Variants in ARID1B observed in about 807,000 individuals in gnomAD.
ARID1B encodes AT-rich interaction domain 1B, also known as AT-rich interactive domain-containing protein 1B.
A neutral mutation model predicts 212.3 loss-of-function variants in ARID1B; 30 were observed. The observed-to-expected ratio is 0.14, with a 90% confidence interval of 0.11 to 0.19. ARID1B has a LOEUF of 0.19. Ranked by LOEUF, ARID1B falls within the 10% of genes least tolerant of loss-of-function variation. ARID1B has a pLI of 1.00. For missense variants in ARID1B, 2,891 were observed against 3,204.0 expected (o/e 0.90, Z 2.36); for synonymous variants, 1,402 against 1,301.7 (o/e 1.08, Z -1.66).
chr6:156,934,349 T>C (rs1334800531), intron 3 of ARID1B, among the ~76,000 whole-genome samples: 2 of 152,146 alleles, frequency 1.3e-5, no homozygotes, highest in African/African-American at 4.8e-5. Flanking sequence ...AAATGTGGTG[T>C]GGTGTGGTAT....
At chr6:156,812,931 T>TGG (rs1274375173) in intron 1 of ARID1B, among the ~76,000 whole-genome samples, 161 of 75,124 alleles carry the variant, frequency 2.1e-3, no homozygotes, top group African/African-American at 6.1e-3. Context: ...ATTATAATCC[T>TGG]GGGTGTGTGT....
chr6:156,956,089 A>T (rs1046952539), intron 4 of ARID1B, among the ~76,000 whole-genome samples: 1 of 152,172 alleles, frequency 6.6e-6, no homozygotes, highest in African/African-American at 2.4e-5. Flanking sequence ...TGGGGAAGAC[A>T]TGCACCAGTG....
intron 8 of ARID1B, among the ~76,000 whole-genome samples, chr6:157,161,051 A>G (rs1026683078): frequency 3.3e-5 from 5 of 152,170 alleles, no homozygotes; most frequent in Non-Finnish European, 7.3e-5. Context: ...ACTTATCTTA[A>G]AATACTCATC....
chr6:157,116,951 G>A (rs536909969), intron 6 of ARID1B, among the ~76,000 whole-genome samples: 2 of 152,272 alleles, frequency 1.3e-5, no homozygotes, highest in East Asian at 3.9e-4. Flanking sequence ...GTTCTATAGA[G>A]AAAATAGATA....
At position 157,174,019 on chromosome 6, in the gene ARID1B, C is replaced by G; in HGVS notation, c.3247C>G (p.Leu1083Val). The G allele has an allele frequency of 6.2e-7, 1 of 1,614,044 alleles. No individual in the cohort carries two copies. ...CTGTTTTCGATTAGCATCTGTGGGT[C>G]TTGCAGATATGATGTCTCCTGGTGA... is the stretch of plus-strand genomic sequence containing the variant. ...MVNSSAASVG[L>V]ADMMSPGESK... Residue 1083 changes from leucine (L) to valine (V), a missense_variant, in exon 10 of 20, where the codon CTT becomes GTT. Physicochemically the swap from Leu to Val is conservative, Grantham distance 32. Transcript: ENST00000636930.
chr6:157,206,149 C>T lies in ARID1B; in HGVS notation c.5395-18C>T, dbSNP rs1378050027. The T allele has an allele frequency of 7.5e-6, 12 of 1,596,644 alleles. No homozygotes were observed. Among genetic ancestry groups the T allele is most frequent in the Middle Eastern group, 1.7e-4 (1 of 6,020 alleles). On this transcript the variant is annotated intron_variant, in intron 19 of 19. Transcript: ENST00000636930. This position sits in a 1 kb window ranked among gnomAD's most constrained non-coding sequence, Gnocchi z 6.8. Reference sequence around the variant, plus strand: ...ATTGTACCTGTTCTTTCTTTCTTCTCCTCCTCCTCCTCTCCAGTTGTCTGG... The same window carrying T: ...ATTGTACCTGTTCTTTCTTTCTTCTTCTCCTCCTCCTCTCCAGTTGTCTGG...
At chr6:156,818,816 T>C (rs1782155466) in intron 1 of ARID1B, among the ~76,000 whole-genome samples, 1 of 152,200 alleles carries the variant, frequency 6.6e-6, no homozygotes, top group African/African-American at 2.4e-5. Flanking sequence ...GAGAAAATAA[T>C]GCTAGGATTG....
At chr6:157,180,669 T>G (rs949344228) in intron 11 of ARID1B, among the ~76,000 whole-genome samples, 1 of 152,206 alleles carries the variant, frequency 6.6e-6, no homozygotes, top group Admixed American at 6.5e-5. Flanking sequence ...TCACTGGAAT[T>G]TTGCCTTCTG....
intron 5 of ARID1B, among the ~76,000 whole-genome samples, chr6:157,096,841 T>C (rs931590165): frequency 1.3e-5 from 2 of 152,252 alleles, no homozygotes; most frequent in African/African-American, 4.8e-5. Context: ...GGTTTCATTG[T>C]GCAACTCTAT....
At chr6:157,131,845 C>T (rs1432841374) in intron 6 of ARID1B, among the ~76,000 whole-genome samples, 2 of 152,108 alleles carry the variant, frequency 1.3e-5, no homozygotes, top group African/African-American at 4.8e-5. Flanking sequence ...CACCTGCCAC[C>T]GTGCCCGGCT....
At position 157,094,818 on chromosome 6, in the gene ARID1B, G is replaced by A. The variant is rs761852585; in HGVS notation, c.2491+9913G>A. On this transcript the variant is annotated intron_variant, in intron 5 of 19. Transcript: ENST00000636930. The surrounding 1 kb of genome is among the most constrained non-coding windows in gnomAD (Gnocchi z 4.3). ...CATCGGAGGCTCCTGCAGTAACCAC[G>A]CGGAGTGTTGATGGCCGCTTGGATG... Among the ~76,000 whole-genome samples, 11 of 152,172 alleles carry A rather than the reference G, an allele frequency of 7.2e-5. No individual in the cohort carries two copies. Among genetic ancestry groups the A allele is most frequent in the Non-Finnish European group, 1.2e-4 (8 of 68,036 alleles).
intron 4 of ARID1B, among the ~76,000 whole-genome samples, chr6:157,063,144 T>G (rs1783458570): frequency 6.6e-6 from 1 of 152,114 alleles, no homozygotes; most frequent in Non-Finnish European, 1.5e-5. Context: ...TTTTAAACAT[T>G]TTTGAATCTT....
rs180837572 is a variant in ARID1B, at chr6:156,791,532, G to A, written c.1791+12061G>A. On this transcript the variant is annotated intron_variant, in intron 1 of 19. Coordinates refer to ENST00000636930, the MANE Select transcript of ARID1B (RefSeq NM_001374828.1). ...CCGTGACCTTCACATATGTAGATTAGCCATGTGCTCTGTGAATTGAAACTT... is the reference window on the plus strand; with the variant it reads ...CCGTGACCTTCACATATGTAGATTAACCATGTGCTCTGTGAATTGAAACTT... Among the ~76,000 whole-genome samples the A allele has an allele frequency of 6.6e-5, 10 of 152,328 alleles. No individual in the cohort carries two copies. In the East Asian group the frequency reaches 1.7e-3, roughly 26 times the overall value.
chr6:156,811,089 C>T (rs975110639), intron 1 of ARID1B, among the ~76,000 whole-genome samples: 1 of 152,156 alleles, frequency 6.6e-6, no homozygotes, highest in African/African-American at 2.4e-5. Flanking sequence ...GAATTCATAT[C>T]TGCCTGCTTC....
chr6:156,983,013 T>C (rs956695589), intron 4 of ARID1B, among the ~76,000 whole-genome samples: 1 of 151,538 alleles, frequency 6.6e-6, no homozygotes, highest in Admixed American at 6.6e-5. Flanking sequence ...GAGAATGGCT[T>C]GAGCCTGGGA....
intron 4 of ARID1B, among the ~76,000 whole-genome samples, chr6:157,069,708 C>A (rs1347614580): frequency 2.0e-5 from 3 of 152,132 alleles, no homozygotes; most frequent in Admixed American, 6.5e-5. Flanking sequence ...AAACCTGGAG[C>A]CTTTTTCCTG....
intron 1 of ARID1B, among the ~76,000 whole-genome samples, chr6:156,824,912 G>C: frequency 6.6e-6 from 1 of 151,808 alleles, no homozygotes; most frequent in South Asian, 2.1e-4. Context: ...ACCCAGGGTG[G>C]AGTGTGCAGT....
At position 156,780,933 on chromosome 6, in the gene ARID1B, A is replaced by G. The variant is rs1779214249; in HGVS notation, c.1791+1462A>G. Among the ~76,000 whole-genome samples the G allele has an allele frequency of 3.3e-5, 5 of 152,328 alleles. No homozygotes were observed. In the South Asian group the frequency reaches 8.3e-4, roughly 25 times the overall value. The stretch of plus-strand genomic sequence containing the variant: ...CCTTTATAAAAGTCTTCCCTTTACA[A>G]ATTCAACTATGGAAAAATTTGAATT... On this transcript the variant is annotated intron_variant, in intron 1 of 19. Coordinates refer to ENST00000636930, the MANE Select transcript of ARID1B (RefSeq NM_001374828.1).
chr6:156,967,813 G>T (rs1000267688), intron 4 of ARID1B, among the ~76,000 whole-genome samples: 42 of 152,094 alleles, frequency 2.8e-4, no homozygotes, highest in African/African-American at 1.0e-3. Context: ...ACCTCCTTTT[G>T]GGGGTTTCTG....
Sources: allele counts gnomAD v4.1 joint callset (sites outside exome capture counted in the v4.1 genomes callset), GRCh38; gene constraint gnomAD v4.1.1; non-coding constraint Gnocchi (gnomAD v3.1); transcripts MANE v1.5; gene names NCBI Gene and HGNC (gene_info 2026-07-23, HGNC 2026-07-21).